Variants in LSAMP observed in about 807,000 individuals in gnomAD.
LSAMP encodes the protein limbic system associated membrane protein.
In LSAMP, 7 loss-of-function variants were observed where a neutral mutation model predicts 38.6. The ratio of observed to expected loss-of-function variants is 0.18; its 90% CI spans 0.10 to 0.34. LSAMP has a LOEUF of 0.34. LSAMP is among the 10% of genes least tolerant of loss of function. LSAMP has a pLI of 1.00. For missense variants in LSAMP, 313 were observed against 420.0 expected (o/e 0.75, Z 2.23); for synonymous variants, 154 against 166.8 (o/e 0.92, Z 0.59).
chr3:116,203,701 T>C (rs2046023850), intron 1 of LSAMP, among the ~76,000 whole-genome samples: 1 of 151,952 alleles, frequency 6.6e-6, no homozygotes, highest in Admixed American at 6.6e-5. Flanking sequence ...ATTTCCAATT[T>C]CATCCATGTC....
chr3:115,889,355 T>C (rs1936536622), intron 3 of LSAMP, among the ~76,000 whole-genome samples: 1 of 151,924 alleles, frequency 6.6e-6, no homozygotes, highest in Non-Finnish European at 1.5e-5. Context: ...CTCATAAGAA[T>C]GGGTGTGTTT....
At chr3:116,425,565 G>A (rs2049183698) in intron 1 of LSAMP, among the ~76,000 whole-genome samples, 1 of 152,002 alleles carries the variant, frequency 6.6e-6, no homozygotes, top group African/African-American at 2.4e-5. Flanking sequence ...TGATATACTT[G>A]GGTGAGTATG....
At chr3:116,314,496 T>C (rs1207214951) in intron 1 of LSAMP, among the ~76,000 whole-genome samples, 1 of 152,144 alleles carries the variant, frequency 6.6e-6, no homozygotes, top group East Asian at 1.9e-4. Flanking sequence ...TGGCGTGAGA[T>C]CTCACAGGAG....
intron 1 of LSAMP, among the ~76,000 whole-genome samples, chr3:116,238,358 A>C (rs1228390898): frequency 6.6e-6 from 1 of 152,190 alleles, no homozygotes; most frequent in African/African-American, 2.4e-5. Flanking sequence ...CATGGTTGAG[A>C]TTCTAGAACA....
At chr3:116,131,034 A>G (rs142500074) in intron 1 of LSAMP, among the ~76,000 whole-genome samples, 507 of 130,994 alleles carry the variant, frequency 3.9e-3, no homozygotes, top group African/African-American at 0.013. Flanking sequence ...TCTGTCGCCC[A>G]GGCTGGAGTG....
At chr3:116,093,242 G>A (rs1427024097) in intron 1 of LSAMP, among the ~76,000 whole-genome samples, 1 of 152,164 alleles carries the variant, frequency 6.6e-6, no homozygotes, top group African/African-American at 2.4e-5. Context: ...GGGAGGGGGT[G>A]TTGCTATTGG....
At chr3:115,866,980 G>A (rs73858086) in intron 3 of LSAMP, among the ~76,000 whole-genome samples, 1 of 152,116 alleles carries the variant, frequency 6.6e-6, no homozygotes, top group African/African-American at 2.4e-5. Flanking sequence ...CTGTGGAACT[G>A]GAAAAAGACT....
intron 1 of LSAMP, among the ~76,000 whole-genome samples, chr3:116,143,757 A>G (rs935205575): frequency 2.6e-4 from 39 of 151,700 alleles, no homozygotes; most frequent in African/African-American, 8.5e-4. Flanking sequence ...TATCTTCTCT[A>G]TTGTTTTCTT....
intron 3 of LSAMP, among the ~76,000 whole-genome samples, chr3:115,970,540 C>G (rs1491002268): frequency 6.6e-6 from 1 of 152,158 alleles, no homozygotes; most frequent in Non-Finnish European, 1.5e-5. Context: ...CTTTCATGCC[C>G]TTGGACCTTA....
chr3:116,252,840 A>G (rs1342516016), intron 1 of LSAMP, among the ~76,000 whole-genome samples: 1 of 152,212 alleles, frequency 6.6e-6, no homozygotes, highest in East Asian at 1.9e-4. Context: ...AGCCTCCAGA[A>G]AGTCCAACTC....
At chr3:115,818,265 T>G (rs1934095296) in intron 6 of LSAMP, among the ~76,000 whole-genome samples, 1 of 152,190 alleles carries the variant, frequency 6.6e-6, no homozygotes, top group Admixed American at 6.5e-5. Flanking sequence ...GCATCAAGCC[T>G]CTTAGCTTAT....
intron 1 of LSAMP, among the ~76,000 whole-genome samples, chr3:116,129,678 G>A (rs1209352044): frequency 6.6e-6 from 1 of 152,204 alleles, no homozygotes; most frequent in Non-Finnish European, 1.5e-5. Context: ...AGCTTCCAGT[G>A]GTCATAGCAC....
intron 1 of LSAMP, among the ~76,000 whole-genome samples, chr3:116,279,446 T>TAACTC (rs1455494459): frequency 6.6e-6 from 1 of 152,206 alleles, no homozygotes; most frequent in Non-Finnish European, 1.5e-5. Flanking sequence ...ATCTTCAATA[T>TAACTC]AACTCTAGTC....
chr3:116,211,328 C>T (rs557160143), intron 1 of LSAMP, among the ~76,000 whole-genome samples: 3 of 152,200 alleles, frequency 2.0e-5, no homozygotes, highest in Non-Finnish European at 2.9e-5. Context: ...ATTGCTAAGA[C>T]GGTAGATCTT....
At chr3:115,994,463 AG>A (rs1164105673) in intron 3 of LSAMP, among the ~76,000 whole-genome samples, 1 of 152,134 alleles carries the variant, frequency 6.6e-6, no homozygotes, top group African/African-American at 2.4e-5. Flanking sequence ...AATTATAAAA[AG>A]TCATGATCTT....
chr3:116,159,913 CATGTTTTTTTGCAGCAACACTG>C (rs558903196), intron 1 of LSAMP, among the ~76,000 whole-genome samples: 117 of 151,562 alleles, frequency 7.7e-4, no homozygotes, highest in African/African-American at 2.7e-3. Context: ...AGAATGAGAT[CATGTTTTTTTGCAGCAACACTG>C]ATAGAGCTTC....
intron 1 of LSAMP, chr3:116,368,389 A>G (rs1483193693): frequency 1.3e-5 from 2 of 152,244 alleles, no homozygotes; most frequent in African/African-American, 2.4e-5. Flanking sequence ...GCTCACCTGT[A>G]TCTCTGAAGA....
At chr3:116,374,587 G>T (rs1412114200) in intron 1 of LSAMP, among the ~76,000 whole-genome samples, 1 of 151,742 alleles carries the variant, frequency 6.6e-6, no homozygotes, top group African/African-American at 2.4e-5. Context: ...TTACCTACTG[G>T]ATTTCTGGTT....
rs1335052396 is a variant in LSAMP, at chr3:116,164,702, AT to A, written c.156-78147del. Among the ~76,000 whole-genome samples, 128 of 93,550 alleles carry A rather than the reference AT, an allele frequency of 1.4e-3. 7 individuals carry two copies. Among genetic ancestry groups the A allele is most frequent in the Admixed American group, 1.6e-3 (13 of 8,336 alleles). The allele number at this position is 93,550 out of a possible 152,430, so 61.4% of individuals were successfully genotyped here. A position where few individuals can be genotyped will look rare whatever the true frequency, so the allele number is the denominator to read the frequency against. On this transcript the variant is annotated intron_variant, in intron 1 of 6. Transcript: ENST00000490035. ...ATATATAATCCAAATATATATATAT[AT>A]AATCCAAATATATATATATAATCCA...
Sources: allele counts gnomAD v4.1 joint callset (sites outside exome capture counted in the v4.1 genomes callset), GRCh38; gene constraint gnomAD v4.1.1; transcripts MANE v1.5; gene names NCBI Gene and HGNC (gene_info 2026-07-23, HGNC 2026-07-21).